The following LRP1B variants were observed in gnomAD, a reference collection of about 807,000 sequenced individuals.
The protein encoded by LRP1B is low-density lipoprotein receptor-related protein 1B.
LRP1B carries 217 observed loss-of-function variants against 556.6 expected under a neutral mutation model. The ratio of observed to expected loss-of-function variants is 0.39; its 90% confidence interval spans 0.35 to 0.44. LRP1B has a LOEUF of 0.44. Among genes scored for constraint, LRP1B ranks in the 20% least tolerant of loss-of-function variants. LRP1B has a pLI of 1.00. For missense variants in LRP1B, 5,053 were observed against 5,620.8 expected, an observed-to-expected ratio of 0.90 and a Z score of 3.23; for synonymous variants, 2,047 against 1,865.8, an observed-to-expected ratio of 1.10 and a Z score of -2.50.
At chr2:140,478,414 G>T (rs924028841) in intron 59 of LRP1B, among the ~76,000 whole-genome samples, 5 of 152,120 alleles carry the variant, frequency 3.3e-5, no homozygotes, top group African/African-American at 9.7e-5. Flanking sequence ...CTTCCAAAGT[G>T]CTGTGGTTAC....
At chr2:141,682,355 A>G (rs1028630470) in intron 2 of LRP1B, among the ~76,000 whole-genome samples, 2 of 152,122 alleles carry the variant, frequency 1.3e-5, no homozygotes, top group African/African-American at 2.4e-5. Flanking sequence ...CAAAAAAAAA[A>G]AAGGATTTTT....
At chr2:142,039,420 C>T (rs1174854961) in intron 1 of LRP1B, among the ~76,000 whole-genome samples, 1 of 151,382 alleles carries the variant, frequency 6.6e-6, no homozygotes, top group African/African-American at 2.4e-5. Flanking sequence ...GGATGTGTCT[C>T]TGTGTGACAG....
intron 1 of LRP1B, among the ~76,000 whole-genome samples, chr2:141,947,251 G>A (rs566216751): frequency 1.1e-4 from 16 of 152,198 alleles, no homozygotes; most frequent in African/African-American, 3.9e-4. Context: ...GGCCAACATG[G>A]TGAAACTGTG....
intron 1 of LRP1B, among the ~76,000 whole-genome samples, chr2:141,907,249 T>A (rs1248861052): frequency 1.3e-5 from 2 of 152,010 alleles, no homozygotes; most frequent in African/African-American, 4.8e-5. Flanking sequence ...TTATTTTAAA[T>A]GTAAATGAAA....
intron 7 of LRP1B, among the ~76,000 whole-genome samples, chr2:141,164,325 T>C (rs1439078826): frequency 2.6e-5 from 4 of 152,052 alleles, no homozygotes; most frequent in Non-Finnish European, 5.9e-5. Flanking sequence ...TTGACTAACA[T>C]TGGTAAAGGA....
chr2:142,113,320 C>A (rs572843880), intron 1 of LRP1B, among the ~76,000 whole-genome samples: 22 of 152,198 alleles, frequency 1.4e-4, no homozygotes, highest in African/African-American at 4.6e-4. Flanking sequence ...AGCTCTGTTT[C>A]TCACTACCTT....
chr2:140,795,588 G>A (rs760690265), intron 32 of LRP1B, among the ~76,000 whole-genome samples: 1 of 152,052 alleles, frequency 6.6e-6, no homozygotes, highest in Non-Finnish European at 1.5e-5. Flanking sequence ...TATGAAAAGA[G>A]AGAAAAACAA....
intron 17 of LRP1B, among the ~76,000 whole-genome samples, chr2:140,987,338 C>G (rs894898777): frequency 1.3e-5 from 2 of 151,942 alleles, no homozygotes; most frequent in Admixed American, 6.6e-5. Flanking sequence ...GACCACAGGA[C>G]TTGAATATTT....
At chr2:141,703,269 T>C (rs553328607) in intron 2 of LRP1B, among the ~76,000 whole-genome samples, 1 of 152,054 alleles carries the variant, frequency 6.6e-6, no homozygotes, top group South Asian at 2.1e-4. Flanking sequence ...CTAAAGATTT[T>C]GCATACTGTT....
At chr2:142,130,300 C>A (rs10205625) in intron 1 of LRP1B, among the ~76,000 whole-genome samples, 5,986 of 152,288 alleles carry the variant, frequency 0.039, 167 homozygotes, top group South Asian at 0.096. Flanking sequence ...TGAGGGCCAT[C>A]GCGGAGGGAA....
chr2:142,084,460 A>G (rs1705835562), intron 1 of LRP1B, among the ~76,000 whole-genome samples: 1 of 144,054 alleles, frequency 6.9e-6, no homozygotes, highest in East Asian at 2.1e-4. Context: ...AACTCTCAAG[A>G]TTTCACCTCT....
intron 23 of LRP1B, among the ~76,000 whole-genome samples, chr2:140,897,118 A>G (rs1202735211): frequency 6.6e-6 from 1 of 152,204 alleles, no homozygotes; most frequent in Non-Finnish European, 1.5e-5. Context: ...TTTCATTGTA[A>G]CTTTAAAAGA....
intron 1 of LRP1B, among the ~76,000 whole-genome samples, chr2:142,006,237 C>A (rs888964240): frequency 6.6e-6 from 1 of 152,096 alleles, no homozygotes; most frequent in African/African-American, 2.4e-5. Flanking sequence ...TTATTTGTAA[C>A]CCAATAAAGT....
intron 2 of LRP1B, among the ~76,000 whole-genome samples, chr2:141,565,035 C>T (rs1452150861): frequency 6.6e-6 from 1 of 152,018 alleles, no homozygotes; most frequent in Non-Finnish European, 1.5e-5. Flanking sequence ...AATTTGTGTG[C>T]TGAGCAAAGT....
intron 7 of LRP1B, among the ~76,000 whole-genome samples, chr2:141,181,829 G>T (rs1229056309): frequency 6.6e-6 from 1 of 151,784 alleles, no homozygotes; most frequent in African/African-American, 2.4e-5. Flanking sequence ...AAGGTCCAGA[G>T]AAGAATTTGG....
chr2:141,526,090 G>A lies in LRP1B; in HGVS notation c.206-45557C>T, dbSNP rs1241127116. Among the ~76,000 whole-genome samples, 3 of 152,010 alleles carry A rather than the reference G, an allele frequency of 2.0e-5. No individual in the cohort carries two copies. In the East Asian group the frequency reaches 5.8e-4, roughly 29 times the overall value. ...AGTCATACAGTTAGTGTGTGGTAAA[G>A]TTAGACAGTTTGGTTCTAAAGCCTT... On this transcript the variant is annotated intron_variant, in intron 2 of 90. Transcript: ENST00000389484.
chr2:141,879,246 C>T (rs1195592928), intron 1 of LRP1B, among the ~76,000 whole-genome samples: 1 of 151,596 alleles, frequency 6.6e-6, no homozygotes, highest in Non-Finnish European at 1.5e-5. Flanking sequence ...AAAAATGTTA[C>T]AGCCTATAAC....
chr2:140,723,419 T>A (rs148329077), intron 35 of LRP1B, among the ~76,000 whole-genome samples: 2 of 152,246 alleles, frequency 1.3e-5, no homozygotes, highest in East Asian at 3.9e-4. Flanking sequence ...ATTTTGAAGA[T>A]GAAAAGACTT....
chr2:140,477,884 T>C (rs893631687), intron 59 of LRP1B, among the ~76,000 whole-genome samples: 2 of 152,090 alleles, frequency 1.3e-5, no homozygotes, highest in Non-Finnish European at 2.9e-5. Context: ...TCCCCACTTA[T>C]GAATTGTGTG....
Sources: gnomAD v4.1 joint callset for allele counts (sites outside exome capture counted in the v4.1 genomes callset) on GRCh38, gnomAD v4.1.1 for gene constraint, MANE v1.5 for transcripts, NCBI Gene and HGNC (gene_info 2026-07-23, HGNC 2026-07-21) for gene names.